SPOCK1: variants seen among roughly 807,000 people sequenced by gnomAD.
The protein encoded by SPOCK1 is testican-1.
In SPOCK1, 23 loss-of-function variants were observed where a neutral mutation model predicts 55.3. That is an observed-to-expected ratio of 0.42 (90% CI 0.30 to 0.59). SPOCK1 has a LOEUF of 0.59. Ranked by LOEUF, SPOCK1 falls within the 20% of genes least tolerant of loss-of-function variation. SPOCK1 has a pLI of 0.22. For synonymous variants in SPOCK1, 226 were observed against 221.0 expected, an observed-to-expected ratio of 1.02 and a Z score of -0.20; for missense variants, 499 against 552.5, an observed-to-expected ratio of 0.90 and a Z score of 0.97.
At chr5:137,191,236 C>T (rs1048012598) in intron 3 of SPOCK1, among the ~76,000 whole-genome samples, 9 of 152,206 alleles carry the variant, frequency 5.9e-5, no homozygotes, top group African/African-American at 2.2e-4. Flanking sequence ...CATAAAACAT[C>T]CCCTCACATG....
At chr5:137,158,271 G>T (rs746000554) in intron 3 of SPOCK1, among the ~76,000 whole-genome samples, 1 of 152,124 alleles carries the variant, frequency 6.6e-6, no homozygotes, top group Non-Finnish European at 1.5e-5. Context: ...ATTAGACTGG[G>T]GTTCCTGCTG....
rs1461682500 is a variant in SPOCK1 at position 136,976,269 on chromosome 5, T to A, written c.*2385A>T. ...GGGTTCCAATCTGAGGAGGGCTTTT[T>A]ATTTAATGTTTTAATGAATCAAAAT... On this transcript the variant is annotated 3_prime_UTR_variant, in exon 11 of 11. Coordinates refer to ENST00000394945, the MANE Select transcript of SPOCK1 (RefSeq NM_004598.4). The A allele has an allele frequency of 1.3e-5, 2 of 152,432 alleles. No homozygotes were observed. Among genetic ancestry groups the A allele is most frequent in the African/African-American group, 4.8e-5 (2 of 41,456 alleles). The allele number at this position is 152,432 out of a possible 1,614,324, so 9.4% of individuals were successfully genotyped here. A position where few individuals can be genotyped will look rare whatever the true frequency, so the allele number is the denominator to read the frequency against.
At chr5:137,202,240 T>C (rs1237684773) in intron 3 of SPOCK1, among the ~76,000 whole-genome samples, 2 of 152,138 alleles carry the variant, frequency 1.3e-5, no homozygotes, top group African/African-American at 2.4e-5. Flanking sequence ...ATGAATAGAA[T>C]GATGAAAAGG....
At chr5:137,418,288 A>T (rs1017116283) in intron 2 of SPOCK1, among the ~76,000 whole-genome samples, 1 of 152,182 alleles carries the variant, frequency 6.6e-6, no homozygotes, top group African/African-American at 2.4e-5. Context: ...TCTTTATAGC[A>T]GCATGATTTA....
At chr5:137,005,232 C>T (rs1003774103) in intron 6 of SPOCK1, among the ~76,000 whole-genome samples, 2 of 152,094 alleles carry the variant, frequency 1.3e-5, no homozygotes, top group African/African-American at 4.8e-5. Flanking sequence ...GAGTGTGAAT[C>T]TATAAAGATA....
intron 2 of SPOCK1, among the ~76,000 whole-genome samples, chr5:137,422,471 G>A (rs571722622): frequency 4.1e-4 from 62 of 152,260 alleles, no homozygotes; most frequent in Non-Finnish European, 8.5e-4. Context: ...TTTCTTGGAG[G>A]CTTTGTTCAT....
At chr5:137,190,505 A>G (rs1215297370) in intron 3 of SPOCK1, among the ~76,000 whole-genome samples, 7 of 152,198 alleles carry the variant, frequency 4.6e-5, no homozygotes, top group Non-Finnish European at 1.5e-5. Flanking sequence ...TTAAGATATA[A>G]TCCTACTGCT....
At chr5:137,443,672 A>G (rs919845674) in intron 2 of SPOCK1, among the ~76,000 whole-genome samples, 2 of 152,088 alleles carry the variant, frequency 1.3e-5, no homozygotes, top group Non-Finnish European at 2.9e-5. Flanking sequence ...TATCCTCACT[A>G]GCCCCTCTCC....
At chr5:137,131,675 C>G (rs1295819053) in intron 4 of SPOCK1, among the ~76,000 whole-genome samples, 1 of 148,026 alleles carries the variant, frequency 6.8e-6, no homozygotes, top group East Asian at 2.1e-4. Flanking sequence ...TACCTGAATA[C>G]TAAAAAATAT....
At chr5:137,242,886 G>T (rs547697163) in intron 3 of SPOCK1, among the ~76,000 whole-genome samples, 1 of 152,168 alleles carries the variant, frequency 6.6e-6, no homozygotes, top group South Asian at 2.1e-4. Context: ...TGGAGAAAGA[G>T]AATATATATA....
intron 3 of SPOCK1, among the ~76,000 whole-genome samples, chr5:137,234,440 A>G (rs1756134173): frequency 6.6e-6 from 1 of 152,044 alleles, no homozygotes; most frequent in South Asian, 2.1e-4. Context: ...AAACCAGCTC[A>G]CCTTCTTACC....
chr5:137,490,859 C>T (rs1271587028), intron 2 of SPOCK1, among the ~76,000 whole-genome samples: 1 of 152,118 alleles, frequency 6.6e-6, no homozygotes. Flanking sequence ...GAACCTCACA[C>T]AGCCTTCCAG....
At chr5:137,376,616 C>CT (rs1751324146) in intron 2 of SPOCK1, among the ~76,000 whole-genome samples, 2 of 152,180 alleles carry the variant, frequency 1.3e-5, no homozygotes, top group Admixed American at 6.5e-5. Flanking sequence ...GTAGAAGATT[C>CT]TTTTTCATGA....
At chr5:137,044,364 A>C (rs1356895438) in intron 6 of SPOCK1, among the ~76,000 whole-genome samples, 1 of 152,246 alleles carries the variant, frequency 6.6e-6, no homozygotes. Context: ...GTTTTAACCA[A>C]AGCATTAAGA....
At chr5:137,016,599 C>G (rs1040149982) in intron 6 of SPOCK1, among the ~76,000 whole-genome samples, 3 of 152,216 alleles carry the variant, frequency 2.0e-5, no homozygotes, top group African/African-American at 7.2e-5. Flanking sequence ...TTAACACCAA[C>G]TGGTGTCTAA....
intron 2 of SPOCK1, among the ~76,000 whole-genome samples, chr5:137,471,565 ACTG>A (rs1753738799): frequency 6.6e-6 from 1 of 152,172 alleles, no homozygotes; most frequent in South Asian, 2.1e-4. Flanking sequence ...ATCCACCACC[ACTG>A]CTTTTTCTGC....
At chr5:137,274,669 G>A (rs575968927) in intron 2 of SPOCK1, among the ~76,000 whole-genome samples, 3 of 152,300 alleles carry the variant, frequency 2.0e-5, no homozygotes, top group East Asian at 3.9e-4. Context: ...TTGCATATTT[G>A]AATCTTGTCA....
At chr5:137,425,579 TGC>T (rs1752590049) in intron 2 of SPOCK1, among the ~76,000 whole-genome samples, 2 of 152,344 alleles carry the variant, frequency 1.3e-5, no homozygotes, top group African/African-American at 4.8e-5. Context: ...TATCTGTGTT[TGC>T]ACGCCAGTGT....
chr5:137,293,739 G>A (rs867844429), intron 2 of SPOCK1, among the ~76,000 whole-genome samples: 3 of 152,220 alleles, frequency 2.0e-5, no homozygotes, highest in African/African-American at 2.4e-5. Context: ...ACGATGCACC[G>A]GGCGTGGTGG....
Sources: allele counts gnomAD v4.1 joint callset (sites outside exome capture counted in the v4.1 genomes callset), GRCh38; gene constraint gnomAD v4.1.1; transcripts MANE v1.5; gene names NCBI Gene and HGNC (gene_info 2026-07-23, HGNC 2026-07-21).